Variants in PBRM1 observed in about 807,000 individuals in gnomAD.
PBRM1 encodes protein polybromo-1.
In PBRM1, 27 loss-of-function variants were observed where a neutral mutation model predicts 194.5. The observed-to-expected ratio is 0.14, with a 90% confidence interval of 0.10 to 0.19. The LOEUF is 0.19. Ranked by LOEUF, PBRM1 falls within the 10% of genes least tolerant of loss-of-function variation. The probability of loss-of-function intolerance (pLI) is 1.00; values close to 1 mark genes in which losing one functional copy is unlikely to be tolerated. For missense variants in PBRM1, 1,466 were observed against 2,077.2 expected, an observed-to-expected ratio of 0.71 and a Z score of 5.72; for synonymous variants, 655 against 693.2, an observed-to-expected ratio of 0.94 and a Z score of 0.87.
intron 9 of PBRM1, 23 bp from the exon 11 acceptor site, chr3:52,642,068 TAGAC>T (rs768757498): frequency 7.4e-5 from 83 of 1,126,272 alleles, no homozygotes; most frequent in Non-Finnish European, 8.8e-5. Context: ...AAAAAGCAAT[TAGAC>T]AGGGAAGGAT....
At chr3:52,644,955 A>G (rs1274557459) in intron 7 of PBRM1, among the ~76,000 whole-genome samples, 166 bp from the exon 9 acceptor site, 1 of 152,158 alleles carries the variant, frequency 6.6e-6, no homozygotes, top group Non-Finnish European at 1.5e-5. Flanking sequence ...AAGCTTCCAA[A>G]ATATCTATCT....
At chr3:52,590,595 T>C (rs1306676966) in intron 17 of PBRM1, among the ~76,000 whole-genome samples, 2 of 152,194 alleles carry the variant, frequency 1.3e-5, no homozygotes, top group Admixed American at 1.3e-4. Context: ...ATAATAAGCA[T>C]TTTAAATGTT....
chr3:52,545,959 G>A (rs1347472408), downstream of PBRM1: 3 of 232,616 alleles, frequency 1.3e-5, no homozygotes, highest in African/African-American at 6.6e-5. Context: ...TAAATACACA[G>A]GCTTTTTAAA....
At chr3:52,548,648 A>G (rs1456581462) in intron 29 of PBRM1, among the ~76,000 whole-genome samples, 1 of 150,902 alleles carries the variant, frequency 6.6e-6, no homozygotes, top group African/African-American at 2.4e-5. Flanking sequence ...CTGGTCTTGA[A>G]CTCCTGACCT....
intron 18 of PBRM1, 32 bp from the exon 21 acceptor site, chr3:52,587,542 G>T (rs745502153): frequency 5.3e-6 from 7 of 1,310,418 alleles, no homozygotes; most frequent in Non-Finnish European, 7.5e-6. Context: ...AAGGGGAAGA[G>T]AAAGAGAATC....
intron 2 of PBRM1, among the ~76,000 whole-genome samples, chr3:52,672,830 T>C (rs745336215): frequency 6.6e-6 from 1 of 151,732 alleles, no homozygotes; most frequent in Non-Finnish European, 1.5e-5. Context: ...TGATTATATT[T>C]TGACAGCAAG....
At chr3:52,683,760 G>A (rs1166943490), upstream of PBRM1, among the ~76,000 whole-genome samples, 4 of 152,014 alleles carry the variant, frequency 2.6e-5, no homozygotes, top group African/African-American at 9.7e-5. Flanking sequence ...AGAGATTGCA[G>A]TGAGCTGGGA....
intron 17 of PBRM1, among the ~76,000 whole-genome samples, chr3:52,594,858 G>A (rs1450465183): frequency 6.6e-6 from 1 of 152,292 alleles, no homozygotes; most frequent in Non-Finnish European, 1.5e-5. Context: ...GAAATTACTG[G>A]TTGGAATTTC....
chr3:52,549,732 C>T lies in PBRM1; in HGVS notation c.4897+689G>A, dbSNP rs368799790. ...CCAGCCTGGCCAAAACGGCGAAACC[C>T]CATCTCTACTAAAGATAAAAAAATT... On this transcript the variant is annotated intron_variant, in intron 29 of 29. Coordinates refer to ENST00000296302, the Ensembl canonical transcript of PBRM1. Among the ~76,000 whole-genome samples the T allele has an allele frequency of 5.3e-5, 8 of 151,984 alleles. No individual in the cohort carries two copies. The East Asian group carries it at 1.4e-3, about 26-fold the overall frequency.
chr3:52,681,088 G>A (rs1048006839), upstream of PBRM1: 1 of 150,746 alleles, frequency 6.6e-6, no homozygotes, highest in African/African-American at 2.4e-5. Context: ...CAATTATGAG[G>A]AACCTCATAG....
At chr3:52,674,619 G>C (rs1232376497) in intron 2 of PBRM1, among the ~76,000 whole-genome samples, 3 of 120,820 alleles carry the variant, frequency 2.5e-5, no homozygotes, top group Non-Finnish European at 1.6e-5. Flanking sequence ...GGGAAACCCT[G>C]TCTCTACCAA....
intron 25 of PBRM1, among the ~76,000 whole-genome samples, chr3:52,558,619 C>T (rs1345202179): frequency 6.6e-6 from 1 of 152,180 alleles, no homozygotes; most frequent in East Asian, 1.9e-4. Context: ...ATCTTGAGAA[C>T]TGGTCTGCAA....
rs577852790 is a variant in PBRM1, at chr3:52,663,678, T to C, written c.385-1402A>G. ...GCAAAAATGACAGTGACAACAAATA[T>C]ATGTATTAGATATTGGAATTCAAAT... is the stretch of plus-strand genomic sequence containing the variant. On this transcript the variant is annotated intron_variant, in intron 3 of 29. Transcript: ENST00000296302. 4.6e-5 allele frequency among the ~76,000 whole-genome samples: 7 copies of C among 152,284 alleles called. No individual in the cohort carries two copies. The South Asian group carries it at 1.5e-3, about 32-fold the overall frequency.
intron 16 of PBRM1, among the ~76,000 whole-genome samples, chr3:52,607,941 C>T (rs1418176394): frequency 1.3e-5 from 2 of 152,168 alleles, no homozygotes; most frequent in East Asian, 1.9e-4. Context: ...TATTCATTTC[C>T]TAACTCCATT....
At chr3:52,666,671 G>A (rs1408246366) in intron 3 of PBRM1, among the ~76,000 whole-genome samples, 3 of 152,100 alleles carry the variant, frequency 2.0e-5, no homozygotes, top group Admixed American at 1.3e-4. Context: ...CGGGTCAATC[G>A]CTTGAGCCCA....
At chr3:52,588,674 C>T (rs946645240) in intron 18 of PBRM1, among the ~76,000 whole-genome samples, 2 of 151,678 alleles carry the variant, frequency 1.3e-5, no homozygotes, top group Non-Finnish European at 2.9e-5. Context: ...CCTGCCTCAG[C>T]CTCCCGAGTA....
Position 52,675,835 on chromosome 3 carries a change from G to C in PBRM1, c.236+2665C>G, listed in dbSNP as rs1453698311. Among the ~76,000 whole-genome samples the C allele has an allele frequency of 6.6e-5, 3 of 45,788 alleles. 1 individual carries two copies. The highest frequency in any genetic ancestry group is 3.2e-4 in the African/African-American group (3 of 9,418). 30.0% of individuals were successfully genotyped at this position (45,788 alleles called of 152,430 possible). On this transcript the variant is annotated intron_variant, in intron 2 of 29. Coordinates refer to ENST00000296302, the Ensembl canonical transcript of PBRM1. ...CACACATATAAAGAATGAAGCGGGGGCCGGGCGCGGTGGCTCACGCCTGTA... is the reference window on the plus strand; with the variant it reads ...CACACATATAAAGAATGAAGCGGGGCCCGGGCGCGGTGGCTCACGCCTGTA...
intron 3 of PBRM1, among the ~76,000 whole-genome samples, chr3:52,664,802 G>C (rs928279546): frequency 6.6e-6 from 1 of 151,886 alleles, no homozygotes; most frequent in Admixed American, 6.6e-5. Flanking sequence ...AAGAGAAATG[G>C]AGACCTGTGG....
rs577076069 is a variant in PBRM1, at chr3:52,654,655, T to A, written c.646-2845A>T. Among the ~76,000 whole-genome samples, 3 of 152,286 alleles carry A rather than the reference T, an allele frequency of 2.0e-5. No homozygotes were observed. In the East Asian group the frequency reaches 5.8e-4, roughly 29 times the overall value. On this transcript the variant is annotated intron_variant, in intron 5 of 29. Transcript: ENST00000296302. ...GAATGGGGGGAACTAATTATTGATGTTTCATTGCCCCATATCACTGTTGTT... is the reference window on the plus strand; with the variant it reads ...GAATGGGGGGAACTAATTATTGATGATTCATTGCCCCATATCACTGTTGTT...
Sources: allele counts gnomAD v4.1 joint callset (sites outside exome capture counted in the v4.1 genomes callset), GRCh38; gene constraint gnomAD v4.1.1; transcripts MANE v1.5; gene names NCBI Gene and HGNC (gene_info 2026-07-23, HGNC 2026-07-21).